GRK3: variants seen among roughly 807,000 people sequenced by gnomAD.
GRK3 encodes the protein G protein-coupled receptor kinase 3, also known as adrenergic, beta, receptor kinase 2.
A neutral mutation model predicts 95.7 loss-of-function variants in GRK3; 54 were observed. That is an observed-to-expected ratio of 0.56 (90% CI 0.45 to 0.71). The LOEUF is 0.71. Ranked by LOEUF, GRK3 falls within the 30% of genes least tolerant of loss-of-function variation. The pLI is 0.00. For missense variants in GRK3, 649 were observed against 851.2 expected, an observed-to-expected ratio of 0.76 and a Z score of 2.96; for synonymous variants, 281 against 290.8, an observed-to-expected ratio of 0.97 and a Z score of 0.34.
intron 3 of GRK3, among the ~76,000 whole-genome samples, chr22:25,650,141 C>T (rs2084819088): frequency 6.6e-6 from 1 of 151,874 alleles, no homozygotes; most frequent in Non-Finnish European, 1.5e-5. Context: ...ACAGGTAGCA[C>T]CCTGTAATCC....
At chr22:25,587,075 G>A (rs1257427069) in intron 1 of GRK3, among the ~76,000 whole-genome samples, 1 of 152,064 alleles carries the variant, frequency 6.6e-6, no homozygotes, top group African/African-American at 2.4e-5. Context: ...GTTTTTAGTA[G>A]AGACAGGGTT....
At chr22:25,718,807 A>G (rs1296983158) in intron 19 of GRK3, among the ~76,000 whole-genome samples, 1 of 152,234 alleles carries the variant, frequency 6.6e-6, no homozygotes, top group African/African-American at 2.4e-5. Context: ...TAGAAATCAT[A>G]ACAACTGCAG....
chr22:25,570,566 G>A (rs185625561), intron 1 of GRK3, among the ~76,000 whole-genome samples: 2 of 152,356 alleles, frequency 1.3e-5, no homozygotes, highest in East Asian at 3.9e-4. Context: ...AGGTGAAAAT[G>A]TAGGCTGTCT....
At chr22:25,609,905 T>C (rs1163137842) in intron 2 of GRK3, among the ~76,000 whole-genome samples, 1 of 149,730 alleles carries the variant, frequency 6.7e-6, no homozygotes, top group Non-Finnish European at 1.5e-5. Flanking sequence ...TGGGGTGCAG[T>C]GGTGCGATTT....
intron 2 of GRK3, among the ~76,000 whole-genome samples, chr22:25,616,641 T>C (rs1053558143): frequency 1.3e-5 from 2 of 152,308 alleles, no homozygotes; most frequent in Admixed American, 1.3e-4. Flanking sequence ...TGCTGGCCTT[T>C]AGACCATTGG....
chr22:25,631,458 G>T (rs2084663729), intron 2 of GRK3, among the ~76,000 whole-genome samples: 1 of 152,156 alleles, frequency 6.6e-6, no homozygotes, highest in Admixed American at 6.5e-5. Context: ...CCAATTTGTG[G>T]CCTATTTACA....
intron 3 of GRK3, among the ~76,000 whole-genome samples, chr22:25,659,431 C>T (rs1203218859): frequency 1.3e-5 from 2 of 152,142 alleles, no homozygotes; most frequent in African/African-American, 4.8e-5. Flanking sequence ...GCTCTTAGGG[C>T]TCAGGTTATT....
chr22:25,648,516 A>G, intron 3 of GRK3: 1 of 1,454,926 alleles, frequency 6.9e-7, no homozygotes, highest in Non-Finnish European at 9.6e-7. Flanking sequence ...AGTAGCAATC[A>G]AAACACTAAA....
chr22:25,633,978 C>T (rs1254926304), intron 2 of GRK3, among the ~76,000 whole-genome samples: 2 of 151,386 alleles, frequency 1.3e-5, no homozygotes, highest in Non-Finnish European at 3.0e-5. Flanking sequence ...GGTGTTTGTC[C>T]CTAGCTTTTA....
Position 25,726,194 on chromosome 22 carries a change from T to C in GRK3, c.*3744T>C, listed in dbSNP as rs746323551. ...TTTAACTAGATTAAAAAGATCAAAGTGTGGTTTTTCTCTGCTTTTTAAAAT... is the reference window on the plus strand; with the variant it reads ...TTTAACTAGATTAAAAAGATCAAAGCGTGGTTTTTCTCTGCTTTTTAAAAT... On this transcript the variant is annotated 3_prime_UTR_variant, in exon 21 of 21. Transcript: ENST00000324198. 6.6e-6 allele frequency: 1 copy of C among 152,184 alleles called. No homozygotes were observed. The highest frequency in any genetic ancestry group is 2.1e-4 in the South Asian group (1 of 4,830). 9.4% of individuals were successfully genotyped at this position (152,184 alleles called of 1,614,324 possible). A position where few individuals can be genotyped will look rare whatever the true frequency, so the allele number is the denominator to read the frequency against.
chr22:25,605,959 CT>C (rs749994613), intron 2 of GRK3, among the ~76,000 whole-genome samples: 5 of 152,140 alleles, frequency 3.3e-5, no homozygotes, highest in Non-Finnish European at 5.9e-5. Context: ...ATCCAGGATT[CT>C]TCTTTTGTGT....
At chr22:25,603,419 C>A (rs1313956354) in intron 1 of GRK3, among the ~76,000 whole-genome samples, 1 of 152,140 alleles carries the variant, frequency 6.6e-6, no homozygotes, top group African/African-American at 2.4e-5. Flanking sequence ...ATTTTTCTGA[C>A]TTGCTACTTC....
intron 4 of GRK3, among the ~76,000 whole-genome samples, chr22:25,662,616 A>G (rs796272969): frequency 6.6e-5 from 10 of 152,300 alleles, no homozygotes; most frequent in African/African-American, 2.2e-4. Context: ...TGCGGCATGC[A>G]CTGCTCTGTT....
At chr22:25,687,028 C>T (rs2085120366) in intron 10 of GRK3, among the ~76,000 whole-genome samples, 1 of 152,116 alleles carries the variant, frequency 6.6e-6, no homozygotes, top group South Asian at 2.1e-4. Context: ...CCATGTTGAC[C>T]AGGCTGGTCT....
At chr22:25,587,576 G>A (rs540649654) in intron 1 of GRK3, among the ~76,000 whole-genome samples, 4 of 152,118 alleles carry the variant, frequency 2.6e-5, no homozygotes, top group African/African-American at 7.2e-5. Context: ...CCACAGACAC[G>A]TACCACCATG....
chr22:25,656,044 G>A (rs1438807222), intron 3 of GRK3, among the ~76,000 whole-genome samples: 2 of 152,112 alleles, frequency 1.3e-5, no homozygotes, highest in Admixed American at 6.5e-5. Context: ...TTCTCTACCT[G>A]GGTTTCCTTA....
intron 2 of GRK3, among the ~76,000 whole-genome samples, chr22:25,638,625 G>T (rs1252965724): frequency 6.6e-6 from 1 of 152,170 alleles, no homozygotes; most frequent in Non-Finnish European, 1.5e-5. Context: ...TTAATCACAG[G>T]CCATAGTAAT....
chr22:25,578,200 TG>T (rs1327447928), intron 1 of GRK3, among the ~76,000 whole-genome samples: 1 of 152,018 alleles, frequency 6.6e-6, no homozygotes, highest in Admixed American at 6.6e-5. Flanking sequence ...AAGAAACAAT[TG>T]CATTTCCATC....
At chr22:25,684,233 T>TA (rs1260192685) in intron 9 of GRK3, among the ~76,000 whole-genome samples, 1 of 152,256 alleles carries the variant, frequency 6.6e-6, no homozygotes, top group African/African-American at 2.4e-5. Context: ...CTTGGGCTAA[T>TA]ACCACACTGT....
Sources: gnomAD v4.1 joint callset for allele counts (sites outside exome capture counted in the v4.1 genomes callset) on GRCh38, gnomAD v4.1.1 for gene constraint, MANE v1.5 for transcripts, NCBI Gene and HGNC (gene_info 2026-07-23, HGNC 2026-07-21) for gene names.